ARHGEF10: variants seen among roughly 807,000 people sequenced by gnomAD.
ARHGEF10 encodes Rho guanine nucleotide exchange factor (GEF) 10.
Under a neutral mutation model 147.4 loss-of-function variants are expected in ARHGEF10, and 140 were observed. That is an observed-to-expected ratio of 0.95 (90% confidence interval 0.83 to 1.09). The LOEUF (loss-of-function observed/expected upper bound fraction) is 1.09. ARHGEF10 is among the 50% of genes least tolerant of loss of function. The pLI is 0.00. For synonymous variants in ARHGEF10, 902 were observed against 695.8 expected (o/e 1.30, Z -4.67); for missense variants, 2,222 against 1,752.7 (o/e 1.27, Z -4.78).
intron 18 of ARHGEF10, among the ~76,000 whole-genome samples, chr8:1,922,147 C>T (rs1306128468): frequency 6.6e-6 from 1 of 151,916 alleles, no homozygotes; most frequent in Admixed American, 6.6e-5. Context: ...AACATTACTT[C>T]CTGTAGTACA....
chr8:1,855,798 G>A (rs74560770), intron 2 of ARHGEF10, among the ~76,000 whole-genome samples: 268 of 152,108 alleles, frequency 1.8e-3, no homozygotes, highest in African/African-American at 6.1e-3. Flanking sequence ...CGTGAATTCT[G>A]TGGAAATGAC....
chr8:1,858,529 A>G (rs1805793165), intron 3 of ARHGEF10, among the ~76,000 whole-genome samples: 1 of 152,178 alleles, frequency 6.6e-6, no homozygotes, highest in Non-Finnish European at 1.5e-5. Context: ...AAGTATTGCT[A>G]TTTCCCAATA....
chr8:1,885,610 C>G lies in ARHGEF10; in HGVS notation c.1085C>G (p.Ser362Cys), dbSNP rs1009548807. 3.1e-6 allele frequency: 5 copies of G among 1,612,358 alleles called. No individual in the cohort carries two copies. The highest frequency in any genetic ancestry group is 3.3e-4 in the Middle Eastern group (2 of 6,056). Residue 362 changes from serine to cysteine, a missense_variant, in exon 11 of 29, where the codon TCT (serine) becomes TGT (cysteine). By Grantham distance (112) the Ser-to-Cys change is moderately radical. Coordinates refer to ENST00000349830, the MANE Select transcript of ARHGEF10 (RefSeq NM_014629.4). Reference sequence around the variant, plus strand: ...TGACTTTTTTTTTAAGATCACAGATCTTCTCTTGAGGAAGAACAGAATTTG... The same window carrying G: ...TGACTTTTTTTTTAAGATCACAGATGTTCTCTTGAGGAAGAACAGAATTTG... ...TKSLIAQDHRSSLEEEQNLFI... is the reference protein window; with the variant it reads ...TKSLIAQDHRCSLEEEQNLFI...
intron 18 of ARHGEF10, among the ~76,000 whole-genome samples, chr8:1,913,155 C>G (rs560085705): frequency 6.6e-6 from 1 of 151,984 alleles, no homozygotes; most frequent in Admixed American, 6.6e-5. Flanking sequence ...GGGGAGGTGG[C>G]GCATAGCCCC....
rs755014225 is a variant in ARHGEF10 at position 1,905,589 on chromosome 8, C to T, written c.1840C>T (p.Arg614Ter). The T allele has an allele frequency of 6.2e-6, 10 of 1,614,138 alleles. No homozygotes were observed. In the South Asian group the frequency reaches 6.6e-5, roughly 11 times the overall value. ...YLNKLLSSGS[R>*]YLIRSDDMIE... The stretch of plus-strand genomic sequence containing the variant: ...TGTCCAGCTTCTCAGCAGTGGAAGC[C>T]GATACCTCATTCGATCAGATGATAT... The change falls in exon 17 of 29, where the codon CGA (arginine) becomes TGA (stop). Residue 614 changes from arginine (R) to a stop codon, truncating the protein, a stop_gained. Transcript: ENST00000349830. LOFTEE classifies it high-confidence loss of function.
intron 1 of ARHGEF10, among the ~76,000 whole-genome samples, chr8:1,826,820 C>G (rs774364581): frequency 3.3e-5 from 5 of 152,160 alleles, no homozygotes; most frequent in African/African-American, 7.2e-5. Flanking sequence ...GTGTTTCATG[C>G]GTGCGTTGCT....
At chr8:1,922,685 G>A (rs548028693) in intron 18 of ARHGEF10, among the ~76,000 whole-genome samples, 1 of 152,162 alleles carries the variant, frequency 6.6e-6, no homozygotes, top group Non-Finnish European at 1.5e-5. Flanking sequence ...CGGATTTGAC[G>A]GTCATGATAC....
chr8:1,853,989 G>C (rs976994982), intron 2 of ARHGEF10, among the ~76,000 whole-genome samples: 2 of 152,224 alleles, frequency 1.3e-5, no homozygotes, highest in African/African-American at 4.8e-5. Flanking sequence ...GCAGACTGGG[G>C]GTGAGGATTT....
rs145686019 is a variant in ARHGEF10, at chr8:1,952,720, C to T, written c.3413C>T (p.Ser1138Leu). The T allele has an allele frequency of 3.8e-5, 61 of 1,612,846 alleles. No individual in the cohort carries two copies. Among genetic ancestry groups the T allele is most frequent in the African/African-American group, 3.1e-4 (23 of 74,946 alleles). ...HNMLPGHQRL[S>L]VTSLLVCHGL... ...TTCCGCCCAGGGCACCAGCGGCTGT[C>T]GGTGACGAGCCTGCTCGTCTGCCAC... Residue 1138 changes from serine to leucine, a missense_variant, in exon 28 of 29, where the codon TCG becomes TTG. Transcript: ENST00000349830.
At chr8:1,907,224 G>A (rs1365163461) in intron 17 of ARHGEF10, among the ~76,000 whole-genome samples, 2 of 152,160 alleles carry the variant, frequency 1.3e-5, no homozygotes, top group East Asian at 1.9e-4. Context: ...GACTAAAGGT[G>A]TTTATCACTT....
At chr8:1,830,569 T>G (rs1803034453) in intron 1 of ARHGEF10, among the ~76,000 whole-genome samples, 3 of 152,206 alleles carry the variant, frequency 2.0e-5, no homozygotes, top group Admixed American at 2.0e-4. Context: ...GGAAATGACC[T>G]ATTAAGAGAC....
At chr8:1,843,955 T>G (rs1416682883) in intron 2 of ARHGEF10, among the ~76,000 whole-genome samples, 1 of 152,158 alleles carries the variant, frequency 6.6e-6, no homozygotes, top group Non-Finnish European at 1.5e-5. Context: ...TCACCTGAGT[T>G]AAATTGTTGC....
intron 7 of ARHGEF10, chr8:1,870,336 A>G (rs1158061831): frequency 1.3e-5 from 2 of 150,684 alleles, no homozygotes; most frequent in Non-Finnish European, 2.9e-5. Flanking sequence ...CTTTGAAACC[A>G]GTAGTGCAAA....
chr8:1,926,493 A>G (rs899748766), intron 23 of ARHGEF10, 30 bp downstream of exon 23: 7 of 1,588,146 alleles, frequency 4.4e-6, no homozygotes, highest in Middle Eastern at 1.7e-4. Context: ...TTTTGGTACA[A>G]GTTCACAGAG....
rs1374106329 is a variant in ARHGEF10 at position 1,860,031 on chromosome 8, C to A, written c.328C>A (p.Pro110Thr). The A allele has an allele frequency of 1.2e-6, 2 of 1,614,112 alleles. No individual in the cohort carries two copies. Among genetic ancestry groups the A allele is most frequent in the South Asian group, 2.2e-5 (2 of 91,084 alleles). The change falls in exon 4 of 29, where the codon CCC becomes ACC. Residue 110 changes from proline to threonine, a missense_variant. Pro to Thr is a conservative substitution (Grantham distance 38, BLOSUM62 -1). Coordinates refer to ENST00000349830, the MANE Select transcript of ARHGEF10 (RefSeq NM_014629.4). ...FQEDQPPTPV[P>T]SAEEENVGLH... ...GGAGGACCAGCCGCCCACCCCCGTG[C>A]CCAGCGCTGAGGAGGAGAATGTGGG... is the stretch of plus-strand genomic sequence containing the variant.
rs764921814 is a variant in ARHGEF10 at position 1,903,235 on chromosome 8, G to C, written c.1651-46G>C. On this transcript the variant is annotated intron_variant, in intron 15 of 28. Transcript: ENST00000349830. The stretch of plus-strand genomic sequence containing the variant: ...GGGTGACGCGACTGTTGTTGCACTG[G>C]GAGTGTCCACGTGGTAACTGCCCAC... 1.8e-5 allele frequency: 29 copies of C among 1,609,852 alleles called. 1 individual carries two copies. The South Asian group carries it at 3.0e-4, about 16-fold the overall frequency.
At chr8:1,844,161 AC>A (rs1365852443) in intron 2 of ARHGEF10, among the ~76,000 whole-genome samples, 2 of 152,010 alleles carry the variant, frequency 1.3e-5, no homozygotes, top group Non-Finnish European at 2.9e-5. Flanking sequence ...TGTGGAGGTC[AC>A]GGAATTAACT....
intron 4 of ARHGEF10, among the ~76,000 whole-genome samples, chr8:1,863,293 G>T (rs926021969): frequency 8.5e-5 from 13 of 152,208 alleles, no homozygotes; most frequent in African/African-American, 3.1e-4. Flanking sequence ...TCTCGTGTCT[G>T]TTGCTAGTCA....
chr8:1,842,601 T>C (rs1238761194), intron 1 of ARHGEF10, among the ~76,000 whole-genome samples: 1 of 152,190 alleles, frequency 6.6e-6, no homozygotes, highest in African/African-American at 2.4e-5. Context: ...TCCCCGGTGC[T>C]AGAGCCTGGT....
Sources: allele counts gnomAD v4.1 joint callset (sites outside exome capture counted in the v4.1 genomes callset), GRCh38; gene constraint gnomAD v4.1.1; transcripts MANE v1.5; gene names NCBI Gene and HGNC (gene_info 2026-07-23, HGNC 2026-07-21).